RCOR3: variants seen among roughly 807,000 people sequenced by gnomAD.
The protein encoded by RCOR3 is REST corepressor 3.
RCOR3 carries 13 observed loss-of-function variants against 64.1 expected under a neutral mutation model. The observed-to-expected ratio is 0.20, with a 90% CI of 0.13 to 0.32. The LOEUF is 0.32. Among genes scored for constraint, RCOR3 ranks in the 10% least tolerant of loss-of-function variants. The pLI is 1.00. For missense variants in RCOR3, 489 were observed against 701.2 expected, an observed-to-expected ratio of 0.70 and a Z score of 3.42; for synonymous variants, 215 against 239.0, an observed-to-expected ratio of 0.90 and a Z score of 0.93.
intron 9 of RCOR3, among the ~76,000 whole-genome samples, chr1:211,296,079 G>A (rs1699835847): frequency 6.6e-6 from 1 of 152,184 alleles, no homozygotes; most frequent in Non-Finnish European, 1.5e-5. Context: ...AGCAATGTTT[G>A]CTGAAAGCCC....
At chr1:211,283,820 T>C (rs552764354) in intron 7 of RCOR3, among the ~76,000 whole-genome samples, 4 of 151,684 alleles carry the variant, frequency 2.6e-5, no homozygotes, top group African/African-American at 9.7e-5. Context: ...GTATTTTTTT[T>C]TTTTTTCACC....
rs1202966797 is a variant in RCOR3 at position 211,266,184 on chromosome 1, A to G, written c.224-5048A>G. ...CCAAGTTTGAAGTTAGTACATATTA[A>G]GTATATAATTTAGAACCTAGTATAT... On this transcript the variant is annotated intron_variant, in intron 2 of 11. Coordinates refer to ENST00000419091, the MANE Select transcript of RCOR3 (RefSeq NM_001136223.3). Among the ~76,000 whole-genome samples, 3 of 152,308 alleles carry G rather than the reference A, an allele frequency of 2.0e-5. No homozygotes were observed. In the East Asian group the frequency reaches 5.8e-4, roughly 29 times the overall value.
rs1693991126 is a variant in RCOR3 at position 211,260,181 on chromosome 1, A to G, written c.223+17A>G. ...TTGATCCAGGTAGATATATTTGCTT[A>G]AGCAAAATCTCATATCCCCTTTCCT... On this transcript the variant is annotated intron_variant, in intron 2 of 11. Transcript: ENST00000419091. 1 of 1,609,988 alleles carries G rather than the reference A, an allele frequency of 6.2e-7. No individual in the cohort carries two copies. The highest frequency in any genetic ancestry group is 8.5e-7 in the Non-Finnish European group (1 of 1,176,878).
intron 2 of RCOR3, chr1:211,267,975 A>G: frequency 3.6e-6 from 1 of 279,926 alleles, no homozygotes; most frequent in South Asian, 2.8e-5. Flanking sequence ...AGATATTTTA[A>G]TTCAGACTTT....
In RCOR3 at chr1:211,279,004, T is replaced by G. The variant is rs541190046; in HGVS notation, c.642-234T>G. On this transcript the variant is annotated intron_variant, in intron 6 of 11. Transcript: ENST00000419091. ...AGGTTTAAGACCAGCCTGGCCAACATGGTGAAACCCCGTCTCTACTAAAAA... is the reference window on the plus strand; with the variant it reads ...AGGTTTAAGACCAGCCTGGCCAACAGGGTGAAACCCCGTCTCTACTAAAAA... Among the ~76,000 whole-genome samples the G allele has an allele frequency of 4.6e-5, 7 of 152,142 alleles. No homozygotes were observed. In the East Asian group the frequency reaches 1.4e-3, roughly 29 times the overall value.
chr1:211,308,687 T>G lies in RCOR3; in HGVS notation c.1076-4033T>G, dbSNP rs886460468. 9.3e-5 allele frequency among the ~76,000 whole-genome samples: 6 copies of G among 64,828 alleles called. No individual in the cohort carries two copies. The East Asian group carries it at 1.6e-3, about 17-fold the overall frequency. The allele number at this position is 64,828 out of a possible 152,430, so 42.5% of individuals were successfully genotyped here. A position where few individuals can be genotyped will look rare whatever the true frequency, so the allele number is the denominator to read the frequency against. Reference sequence around the variant, plus strand: ...TTTTTTTTTTTGTTTTTTTTTTGTTTTTTTTTTTTTTTGTGTAGTCCAAAA... The same window carrying G: ...TTTTTTTTTTTGTTTTTTTTTTGTTGTTTTTTTTTTTTGTGTAGTCCAAAA... On this transcript the variant is annotated intron_variant, in intron 10 of 11. Transcript: ENST00000419091.
At chr1:211,270,289 G>A (rs1203400716) in intron 2 of RCOR3, among the ~76,000 whole-genome samples, 1 of 151,886 alleles carries the variant, frequency 6.6e-6, no homozygotes. Context: ...TCTTGAACTC[G>A]TGACCTCAGG....
intron 2 of RCOR3, among the ~76,000 whole-genome samples, chr1:211,262,361 G>A (rs1694473145): frequency 1.3e-5 from 2 of 151,960 alleles, no homozygotes; most frequent in East Asian, 3.9e-4. Flanking sequence ...ATTCTTGCCA[G>A]GATTAAATGA....
intron 8 of RCOR3, among the ~76,000 whole-genome samples, chr1:211,295,044 ATTT>A (rs67407386): frequency 9.0e-5 from 4 of 44,390 alleles, no homozygotes; most frequent in African/African-American, 2.5e-4. Context: ...TGACCAGCTA[ATTT>A]TTTTTTTTTT....
At position 211,315,220 on chromosome 1, in the gene RCOR3, T is replaced by C. The variant is rs1002515607; in HGVS notation, c.*1452T>C. The C allele has an allele frequency of 5.9e-5, 9 of 152,186 alleles. No homozygotes were observed. Among genetic ancestry groups the C allele is most frequent in the Non-Finnish European group, 1.2e-4 (8 of 68,006 alleles). 9.4% of individuals were successfully genotyped at this position (152,186 alleles called of 1,614,324 possible). A position where few individuals can be genotyped will look rare whatever the true frequency, so the allele number is the denominator to read the frequency against. The stretch of plus-strand genomic sequence containing the variant: ...ACATGTTTGCACATTCACATTCTTA[T>C]CACGTGTAGAATACTTCACAAAATA... On this transcript the variant is annotated 3_prime_UTR_variant, in exon 12 of 12. Transcript: ENST00000419091.
chr1:211,303,064 C>T (rs1408611399), intron 9 of RCOR3: 2 of 152,000 alleles, frequency 1.3e-5, no homozygotes, highest in South Asian at 2.1e-4. Context: ...CACCAGGTTC[C>T]TAACCTTGAG....
At chr1:211,263,090 T>C (rs1362926062) in intron 2 of RCOR3, among the ~76,000 whole-genome samples, 5 of 146,316 alleles carry the variant, frequency 3.4e-5, no homozygotes, top group African/African-American at 1.3e-4. Context: ...TTCTCATTGT[T>C]CAGTTCCCAT....
intron 2 of RCOR3, chr1:211,260,910 T>G (rs1694145859): frequency 6.6e-6 from 1 of 152,236 alleles, no homozygotes. Flanking sequence ...GGGCTCCCTG[T>G]CTACTTTTCT....
At chr1:211,275,335 C>G (rs1409853435) in intron 4 of RCOR3, among the ~76,000 whole-genome samples, 1 of 151,948 alleles carries the variant, frequency 6.6e-6, no homozygotes, top group Non-Finnish European at 1.5e-5. Flanking sequence ...AGGTAGTTAA[C>G]TTTTTTGTGG....
chr1:211,288,958 T>C (rs1698910245), intron 7 of RCOR3, among the ~76,000 whole-genome samples: 1 of 152,164 alleles, frequency 6.6e-6, no homozygotes, highest in South Asian at 2.1e-4. Flanking sequence ...AACATTTGAT[T>C]GAGTGGATTA....
intron 6 of RCOR3, 144 bp downstream of exon 6, chr1:211,278,385 A>G: frequency 1.1e-6 from 1 of 889,440 alleles, no homozygotes; most frequent in East Asian, 2.8e-5. Context: ...AAGAAGAGCC[A>G]AGTGGTTAGA....
intron 7 of RCOR3, among the ~76,000 whole-genome samples, chr1:211,285,353 A>G (rs1698391195): frequency 6.6e-6 from 1 of 152,202 alleles, no homozygotes; most frequent in Non-Finnish European, 1.5e-5. Context: ...GGTTGGAGCA[A>G]TTCCATTTGG....
chr1:211,294,586 CTTTTT>C (rs35962546), intron 8 of RCOR3, among the ~76,000 whole-genome samples: 2 of 88,030 alleles, frequency 2.3e-5, no homozygotes, highest in Admixed American at 1.5e-4. Flanking sequence ...TTCTTTCTTT[CTTTTT>C]TTTTTTTTTT....
rs369658454 is a variant in RCOR3, at chr1:211,260,178, C to T, written c.223+14C>T. On this transcript the variant is annotated intron_variant, in intron 2 of 11. Transcript: ENST00000419091. Reference sequence around the variant, plus strand: ...AATTTGATCCAGGTAGATATATTTGCTTAAGCAAAATCTCATATCCCCTTT... The same window carrying T: ...AATTTGATCCAGGTAGATATATTTGTTTAAGCAAAATCTCATATCCCCTTT... The T allele has an allele frequency of 6.2e-6, 10 of 1,610,632 alleles. No individual in the cohort carries two copies. Among genetic ancestry groups the T allele is most frequent in the African/African-American group, 2.7e-5 (2 of 74,796 alleles).
Sources: allele counts gnomAD v4.1 joint callset (sites outside exome capture counted in the v4.1 genomes callset), GRCh38; gene constraint gnomAD v4.1.1; transcripts MANE v1.5; gene names NCBI Gene and HGNC (gene_info 2026-07-23, HGNC 2026-07-21).